MRAS: variants seen among roughly 807,000 people sequenced by gnomAD.
MRAS encodes the protein muscle RAS oncogene homolog.
A neutral mutation model predicts 20.9 loss-of-function variants in MRAS; 4 were observed. That is an observed-to-expected ratio of 0.19 (90% CI 0.09 to 0.44). The LOEUF (loss-of-function observed/expected upper bound fraction) is 0.44, where lower values mean the gene tolerates loss of function less well. Ranked by LOEUF, MRAS falls within the 20% of genes least tolerant of loss-of-function variation. The probability of loss-of-function intolerance (pLI) is 0.99; values close to 1 mark genes in which losing one functional copy is unlikely to be tolerated. For missense variants in MRAS, 154 were observed against 277.5 expected (o/e 0.56, Z 3.16); for synonymous variants, 98 against 102.9 (o/e 0.95, Z 0.29).
intron 2 of MRAS, among the ~76,000 whole-genome samples, chr3:138,396,881 G>A (rs1443349289): frequency 6.6e-6 from 1 of 152,114 alleles, no homozygotes; most frequent in Non-Finnish European, 1.5e-5. Flanking sequence ...GTAGAGGCAC[G>A]GTTTTCATTG....
chr3:138,359,415 T>TC (rs368596053), intron 1 of MRAS, among the ~76,000 whole-genome samples: 286 of 152,304 alleles, frequency 1.9e-3, no homozygotes, highest in African/African-American at 6.7e-3. Flanking sequence ...TTGGCTTCAG[T>TC]CCGTCTCTCT....
chr3:138,389,205 C>A (rs981015749), intron 2 of MRAS, among the ~76,000 whole-genome samples: 4 of 152,024 alleles, frequency 2.6e-5, no homozygotes, highest in Non-Finnish European at 4.4e-5. Context: ...CTGTTTTAAC[C>A]CAGTGATGGC....
Position 138,373,269 on chromosome 3 carries a change from G to A in MRAS, c.193+193G>A, listed in dbSNP as rs78890899. 6.8e-3 allele frequency among the ~76,000 whole-genome samples: 1,035 copies of A among 152,266 alleles called. 14 individuals carry two copies. The highest frequency in any genetic ancestry group is 0.024 in the African/African-American group (989 of 41,540). On this transcript the variant is annotated intron_variant, in intron 2 of 5. Coordinates refer to ENST00000423968, the MANE Select transcript of MRAS (RefSeq NM_001085049.3). Reference sequence around the variant, plus strand: ...CTGCGTAGAGGGCTTGCAAGATTTCGTGGAAACCAAAATGTGCATTCAGCA... The same window carrying A: ...CTGCGTAGAGGGCTTGCAAGATTTCATGGAAACCAAAATGTGCATTCAGCA...
In MRAS at chr3:138,398,581, G is replaced by C. The variant is rs751178447; in HGVS notation, c.447+13G>C. The stretch of plus-strand genomic sequence containing the variant: ...GACCAAACACAATGTAGGTGTGTGC[G>C]TGTGTGTAGAGGGGGTCAGGAGATG... On this transcript the variant is annotated intron_variant, in intron 4 of 5. Transcript: ENST00000423968. 3 of 1,612,344 alleles carry C rather than the reference G, an allele frequency of 1.9e-6. No individual in the cohort carries two copies. The Admixed American group carries it at 5.0e-5, about 27-fold the overall frequency.
At chr3:138,367,232 C>G (rs148473533) in intron 1 of MRAS, among the ~76,000 whole-genome samples, 71 of 152,280 alleles carry the variant, frequency 4.7e-4, no homozygotes, top group African/African-American at 1.6e-3. Context: ...CAAATATGCC[C>G]TTGCTGAGGG....
chr3:138,367,956 T>G (rs921337517), intron 1 of MRAS, among the ~76,000 whole-genome samples: 5 of 152,240 alleles, frequency 3.3e-5, no homozygotes, highest in Admixed American at 1.3e-4. Flanking sequence ...GGAAGTGATA[T>G]TGCCTTTTAG....
At chr3:138,374,790 A>T (rs896946755) in intron 2 of MRAS, among the ~76,000 whole-genome samples, 1 of 152,172 alleles carries the variant, frequency 6.6e-6, no homozygotes, top group Non-Finnish European at 1.5e-5. Context: ...TCAGGCATGG[A>T]TGTTGGATTT....
intron 2 of MRAS, among the ~76,000 whole-genome samples, chr3:138,385,939 G>A (rs550407031): frequency 6.6e-6 from 1 of 152,326 alleles, no homozygotes; most frequent in South Asian, 2.1e-4. Flanking sequence ...AGGTGGCAGG[G>A]ACCTGGAGCC....
At chr3:138,395,992 A>ATGGC (rs1176329526) in intron 2 of MRAS, among the ~76,000 whole-genome samples, 1 of 152,204 alleles carries the variant, frequency 6.6e-6, no homozygotes, top group African/African-American at 2.4e-5. Context: ...GGACAACTAC[A>ATGGC]TGGCTGGCCA....
intron 2 of MRAS, among the ~76,000 whole-genome samples, chr3:138,390,785 T>C (rs2055117096): frequency 6.6e-6 from 1 of 152,244 alleles, no homozygotes; most frequent in Non-Finnish European, 1.5e-5. Flanking sequence ...GATGGGTTCA[T>C]ACCATTCCTG....
At chr3:138,390,372 A>G (rs1333450982) in intron 2 of MRAS, among the ~76,000 whole-genome samples, 3 of 151,964 alleles carry the variant, frequency 2.0e-5, no homozygotes, top group Admixed American at 2.0e-4. Flanking sequence ...CTGTCTCTCC[A>G]TTTATCTTTC....
chr3:138,348,995 G>A (rs979875321), intron 1 of MRAS: 3 of 152,026 alleles, frequency 2.0e-5, no homozygotes, highest in Non-Finnish European at 4.4e-5. Flanking sequence ...GACCCCAGTG[G>A]GGAGGGCCTG....
At chr3:138,401,597 C>A (rs1248605928) in intron 5 of MRAS, among the ~76,000 whole-genome samples, 1 of 152,112 alleles carries the variant, frequency 6.6e-6, no homozygotes, top group Non-Finnish European at 1.5e-5. Context: ...TCAAGACCAG[C>A]CTGGGCAACA....
At chr3:138,373,687 C>A (rs1054126354) in intron 2 of MRAS, among the ~76,000 whole-genome samples, 16 of 152,156 alleles carry the variant, frequency 1.1e-4, no homozygotes, top group African/African-American at 3.9e-4. Flanking sequence ...AAATCTTCAA[C>A]TTCGTTATTT....
rs551993035 is a variant in MRAS at position 138,348,650 on chromosome 3, C to A, written c.-136C>A. Reference sequence around the variant, plus strand: ...GGGACGGACCGGAGTGGCCGGCTGGCGGGGAGCCGTCAGTCCGGCGGCCGC... The same window carrying A: ...GGGACGGACCGGAGTGGCCGGCTGGAGGGGAGCCGTCAGTCCGGCGGCCGC... On this transcript the variant is annotated 5_prime_UTR_variant, in exon 1 of 6. Transcript: ENST00000423968. 1.3e-5 allele frequency: 2 copies of A among 151,582 alleles called. No homozygotes were observed. The highest frequency in any genetic ancestry group is 2.4e-5 in the African/African-American group (1 of 41,352). 9.4% of individuals were successfully genotyped at this position (151,582 alleles called of 1,614,324 possible). A position where few individuals can be genotyped will look rare whatever the true frequency, so the allele number is the denominator to read the frequency against.
At chr3:138,398,784 A>T (rs1438381119) in intron 4 of MRAS, among the ~76,000 whole-genome samples, 1 of 152,206 alleles carries the variant, frequency 6.6e-6, no homozygotes, top group Non-Finnish European at 1.5e-5. Context: ...CTAGAAAGAA[A>T]GTAGAAGGTG....
intron 1 of MRAS, among the ~76,000 whole-genome samples, chr3:138,365,985 G>A (rs1235863845): frequency 6.6e-6 from 1 of 152,200 alleles, no homozygotes; most frequent in African/African-American, 2.4e-5. Flanking sequence ...TTCTAGAGTA[G>A]TTGAGAGGCC....
chr3:138,396,389 C>A (rs2055235862), intron 2 of MRAS, among the ~76,000 whole-genome samples: 2 of 152,216 alleles, frequency 1.3e-5, no homozygotes, highest in South Asian at 4.1e-4. Flanking sequence ...CGCTCCCCTG[C>A]CTCACAGGAG....
intron 2 of MRAS, among the ~76,000 whole-genome samples, chr3:138,376,924 T>C (rs1047151082): frequency 2.6e-5 from 4 of 152,248 alleles, no homozygotes; most frequent in Non-Finnish European, 5.9e-5. Flanking sequence ...CCATGCCTGG[T>C]ACATCGTTGG....
Sources: allele counts gnomAD v4.1 joint callset (sites outside exome capture counted in the v4.1 genomes callset), GRCh38; gene constraint gnomAD v4.1.1; transcripts MANE v1.5; gene names NCBI Gene and HGNC (gene_info 2026-07-23, HGNC 2026-07-21).